Variants in STRN4 observed in about 807,000 individuals in gnomAD.
STRN4 encodes the protein striatin-4.
A neutral mutation model predicts 77.9 loss-of-function variants in STRN4; 27 were observed. That is an observed-to-expected ratio of 0.35 (90% CI 0.26 to 0.48). The LOEUF is 0.48. Ranked by LOEUF, STRN4 falls within the 20% of genes least tolerant of loss-of-function variation. STRN4 has a pLI of 0.99. For synonymous variants in STRN4, 466 were observed against 443.1 expected (o/e 1.05, Z -0.65); for missense variants, 798 against 1,049.7 (o/e 0.76, Z 3.31).
intron 5 of STRN4, 88 bp downstream of exon 5, chr19:46,732,951 C>T (rs1372209409): frequency 6.7e-7 from 1 of 1,483,846 alleles, no homozygotes; most frequent in East Asian, 2.3e-5. Flanking sequence ...GCCAGGGCAC[C>T]CAGCGCCATC....
rs772497328 is a variant in STRN4, at chr19:46,727,961, A to T, written c.1086T>A (p.Asp362Glu). 82 of 1,613,942 alleles carry T rather than the reference A, an allele frequency of 5.1e-5. No homozygotes were observed. Among genetic ancestry groups the T allele is most frequent in the Non-Finnish European group, 6.8e-5 (80 of 1,179,908 alleles). Residue 362 changes from aspartate to glutamate, a missense_variant, in exon 8 of 18, where the codon GAT (aspartate) becomes GAA (glutamate). Asp to Glu is a conservative substitution (Grantham distance 45, BLOSUM62 2). This residue lies in a region of STRN4 where 511 missense variants were observed against 575.9 expected (regional missense o/e 0.89). Transcript: ENST00000263280. ...TCACTTTTGGGGGCAGCCCATCCAC[A>T]TCCCGCAGGTCAGCCAGAATGCCTT... Reference protein sequence around the residue: ...KLQGILADLRDVDGLPPKVTG... With the variant: ...KLQGILADLREVDGLPPKVTG...
chr19:46,720,457 T>C, intron 17 of STRN4, 79 bp downstream of exon 17: 1 of 1,031,702 alleles, frequency 9.7e-7, no homozygotes, highest in Non-Finnish European at 1.3e-6. Flanking sequence ...CGCCCCTGAC[T>C]GGACTGCGGG....
chr19:46,736,443 AT>A lies in STRN4; in HGVS notation c.539+379del, dbSNP rs546905987. ...TAAATAAATAATTAACAAATAAAAA[AT>A]AATTTAATATTACCCTTGGGAAATA... On this transcript the variant is annotated intron_variant, in intron 4 of 17. Coordinates refer to ENST00000263280, the MANE Select transcript of STRN4 (RefSeq NM_013403.3). 4.3e-4 allele frequency: 77 copies of A among 179,532 alleles called. No homozygotes were observed. In the South Asian group the frequency reaches 0.012, roughly 28 times the overall value. 11.1% of individuals were successfully genotyped at this position (179,532 alleles called of 1,614,324 possible).
rs142819907 is a variant in STRN4, at chr19:46,722,768, G to A, written c.1906+42C>T. The A allele has an allele frequency of 1.7e-3, 2,761 of 1,607,600 alleles. 35 individuals are homozygous for A. Among genetic ancestry groups the A allele is most frequent in the East Asian group, 3.7e-3 (166 of 44,696 alleles). On this transcript the variant is annotated intron_variant, in intron 14 of 17. Coordinates refer to ENST00000263280, the MANE Select transcript of STRN4 (RefSeq NM_013403.3). Reference sequence around the variant, plus strand: ...CCCCAGGAGGAAGTGGGGCCCAGAAGACACTGAGACCAATTCCATGAGCTG... The same window carrying A: ...CCCCAGGAGGAAGTGGGGCCCAGAAAACACTGAGACCAATTCCATGAGCTG...
Position 46,733,002 on chromosome 19 carries a change from G to C in STRN4, c.737+37C>G, listed in dbSNP as rs757529550. On this transcript the variant is annotated intron_variant, in intron 5 of 17. Transcript: ENST00000263280. This position sits in a 1 kb window ranked among gnomAD's most constrained non-coding sequence, Gnocchi z 4.3. ...CCTGGCCTTCACCAGCAGTCAGGAG[G>C]AACAGAGAGACACACCTGCCATGTC... is the stretch of plus-strand genomic sequence containing the variant. 2 of 1,582,924 alleles carry C rather than the reference G, an allele frequency of 1.3e-6. No homozygotes were observed. Among genetic ancestry groups the C allele is most frequent in the South Asian group, 2.3e-5 (2 of 88,368 alleles).
chr19:46,746,041 C>G (rs1249769251), intron 1 of STRN4, 108 bp downstream of exon 1: 3 of 1,184,138 alleles, frequency 2.5e-6, no homozygotes, highest in East Asian at 3.5e-5. Flanking sequence ...GCCCCCCCGC[C>G]GGCCGTCCCG....
intron 1 of STRN4, among the ~76,000 whole-genome samples, chr19:46,742,026 C>A (rs1241904751): frequency 1.3e-5 from 2 of 152,156 alleles, no homozygotes; most frequent in Non-Finnish European, 2.9e-5. Flanking sequence ...TTAAAAGGTC[C>A]CTCCCATCCT....
In STRN4 at chr19:46,723,382, G is replaced by C; in HGVS notation, c.1595-98C>G. 7.0e-7 allele frequency: 1 copy of C among 1,419,472 alleles called. No individual in the cohort carries two copies. Among genetic ancestry groups the C allele is most frequent in the Non-Finnish European group, 9.3e-7 (1 of 1,074,266 alleles). The allele number at this position is 1,419,472 out of a possible 1,614,324, so 87.9% of individuals were successfully genotyped here. On this transcript the variant is annotated intron_variant, in intron 12 of 17. Coordinates refer to ENST00000263280, the MANE Select transcript of STRN4 (RefSeq NM_013403.3). This position sits in a 1 kb window ranked among gnomAD's most constrained non-coding sequence, Gnocchi z 5.5. Reference sequence around the variant, plus strand: ...GCTCTGCCAAGCCCCAGGCAGCTGGGCTCCAATCACCCACGCACCCACTTC... The same window carrying C: ...GCTCTGCCAAGCCCCAGGCAGCTGGCCTCCAATCACCCACGCACCCACTTC...
In STRN4 at chr19:46,733,667, T is replaced by C. The variant is rs112406024; in HGVS notation, c.540-431A>G. 2.4e-4 allele frequency: 41 copies of C among 173,242 alleles called. No homozygotes were observed. Among genetic ancestry groups the C allele is most frequent in the Middle Eastern group, 2.7e-3 (1 of 364 alleles). 10.7% of individuals were successfully genotyped at this position (173,242 alleles called of 1,614,324 possible). On this transcript the variant is annotated intron_variant, in intron 4 of 17. Coordinates refer to ENST00000263280, the MANE Select transcript of STRN4 (RefSeq NM_013403.3). The surrounding 1 kb of genome is among the most constrained non-coding windows in gnomAD (Gnocchi z 4.3). The stretch of plus-strand genomic sequence containing the variant: ...GTAGAAAAAAACAAAAAGGCGTTAA[T>C]GTGCATAAAGCTTACACCACACGCA...
Position 46,733,085 on chromosome 19 carries a change from CACT to C in STRN4, c.688_690del (p.Ser230del). 1 of 1,613,644 alleles carries C rather than the reference CACT, an allele frequency of 6.2e-7. No individual in the cohort carries two copies. Among genetic ancestry groups the C allele is most frequent in the Non-Finnish European group, 8.5e-7 (1 of 1,179,860 alleles). On this transcript the variant is annotated inframe_deletion, in exon 5 of 18. Coordinates refer to ENST00000263280, the MANE Select transcript of STRN4 (RefSeq NM_013403.3). The surrounding 1 kb of genome is among the most constrained non-coding windows in gnomAD (Gnocchi z 4.3). ...TGTTTCACCAGCAGCGACTCCCCAC[CACT>C]GAGCCCTGCAGGGCCTGGTGGAGCC...
chr19:46,720,608 G>A lies in STRN4; in HGVS notation c.2256C>T (p.Phe752=), dbSNP rs960321430. Residue 752 remains phenylalanine, a synonymous_variant, in exon 17 of 18, where the codon TTC becomes TTT. Transcript: ENST00000263280. ...GGGCAGGGCCAGGTGGGCATCATACGAAGACCTTGGCCAGGGCATCAGCGC... is the reference window on the plus strand; with the variant it reads ...GGGCAGGGCCAGGTGGGCATCATACAAAGACCTTGGCCAGGGCATCAGCGC... ...SAGADALAKV[F]V 5 of 1,580,552 alleles carry A rather than the reference G, an allele frequency of 3.2e-6. No homozygotes were observed. Among genetic ancestry groups the A allele is most frequent in the African/African-American group, 2.7e-5 (2 of 74,280 alleles).
chr19:46,743,216 C>T (rs1216675429), intron 1 of STRN4, among the ~76,000 whole-genome samples: 1 of 152,074 alleles, frequency 6.6e-6, no homozygotes, highest in African/African-American at 2.4e-5. Flanking sequence ...AAGGAACTTT[C>T]CTTTTTCACT....
At position 46,725,422 on chromosome 19, in the gene STRN4, AC is replaced by A. The variant is rs753941322; in HGVS notation, c.1425-44del. The A allele has an allele frequency of 2.5e-6, 4 of 1,613,110 alleles. No homozygotes were observed. In the South Asian group the frequency reaches 3.3e-5, roughly 13 times the overall value. On this transcript the variant is annotated intron_variant, in intron 10 of 17. Coordinates refer to ENST00000263280, the MANE Select transcript of STRN4 (RefSeq NM_013403.3). ...AGCCTGATGTCACTGAGACCCTGTCACCCCCGTCCCCAGATGCCCCTGCCCC... is the reference window on the plus strand; with the variant it reads ...AGCCTGATGTCACTGAGACCCTGTCACCCCGTCCCCAGATGCCCCTGCCCC...
At chr19:46,720,410 C>T in intron 17 of STRN4, 72 bp from the exon 18 acceptor site, 1 of 664,568 alleles carries the variant, frequency 1.5e-6, no homozygotes, top group South Asian at 4.4e-5. Context: ...AACCCCTCCC[C>T]TGCATGCCCA....
chr19:46,736,650 C>G (rs186379), intron 4 of STRN4, among the ~76,000 whole-genome samples, 173 bp downstream of exon 4: 3 of 151,844 alleles, frequency 2.0e-5, no homozygotes, highest in African/African-American at 7.3e-5. Context: ...TTCCCTCCCT[C>G]TCCCCAGGCC....
At chr19:46,731,224 C>T (rs1489597063) in intron 5 of STRN4, among the ~76,000 whole-genome samples, 1 of 152,204 alleles carries the variant, frequency 6.6e-6, no homozygotes, top group Non-Finnish European at 1.5e-5. Flanking sequence ...GTCCCCATTC[C>T]CACAGCCCAG....
At chr19:46,727,625 G>T in intron 8 of STRN4, 79 bp from the exon 9 acceptor site, 1 of 1,186,962 alleles carries the variant, frequency 8.4e-7, no homozygotes, top group South Asian at 1.3e-5. Context: ...GAATGACAGA[G>T]AGAGGCAGAG....
At chr19:46,732,988 C>T (rs376018668) in intron 5 of STRN4, 51 bp downstream of exon 5, 3 of 1,565,638 alleles carry the variant, frequency 1.9e-6, no homozygotes, top group African/African-American at 1.4e-5. Context: ...CTGGCCTTCA[C>T]CAGCAGTCAG....
In STRN4 at chr19:46,732,706, C is replaced by A. The variant is rs1028447927; in HGVS notation, c.737+333G>T. ...ACAAGCCAGAGATTCCTGAGGGTGG[C>A]GACCACGTGTGCTCCACTCCCTGCT... On this transcript the variant is annotated intron_variant, in intron 5 of 17. Coordinates refer to ENST00000263280, the MANE Select transcript of STRN4 (RefSeq NM_013403.3). 8 of 290,854 alleles carry A rather than the reference C, an allele frequency of 2.8e-5. 1 individual carries two copies. The South Asian group carries it at 4.1e-4, about 15-fold the overall frequency. The allele number at this position is 290,854 out of a possible 1,614,324, so 18.0% of individuals were successfully genotyped here.
Sources: allele counts gnomAD v4.1 joint callset (sites outside exome capture counted in the v4.1 genomes callset), GRCh38; gene constraint gnomAD v4.1.1; regional missense constraint gnomAD v4.1.1; non-coding constraint Gnocchi (gnomAD v3.1); transcripts MANE v1.5; gene names NCBI Gene and HGNC (gene_info 2026-07-23, HGNC 2026-07-21).